Variants in DCC observed in about 807,000 individuals in gnomAD.
DCC encodes netrin receptor DCC.
A neutral mutation model predicts 172.5 loss-of-function variants in DCC; 58 were observed. That is an observed-to-expected ratio of 0.34 (90% CI 0.27 to 0.42). The LOEUF is 0.42. DCC is among the 10% of genes least tolerant of loss of function. The pLI is 1.00. For synonymous variants in DCC, 709 were observed against 644.5 expected (o/e 1.10, Z -1.52); for missense variants, 1,740 against 1,791.0 (o/e 0.97, Z 0.51).
intron 7 of DCC, among the ~76,000 whole-genome samples, chr18:53,105,053 G>T (rs978767892): frequency 2.0e-5 from 3 of 151,872 alleles, no homozygotes; most frequent in Non-Finnish European, 4.4e-5. Flanking sequence ...TAATACTACT[G>T]GAAATGGTAC....
intron 1 of DCC, among the ~76,000 whole-genome samples, chr18:52,532,390 A>C (rs1461550938): frequency 6.6e-6 from 1 of 152,184 alleles, no homozygotes; most frequent in Non-Finnish European, 1.5e-5. Context: ...TTACCAAAAT[A>C]AGTTCAAGAC....
At chr18:53,174,515 A>T (rs2144457909) in intron 8 of DCC, among the ~76,000 whole-genome samples, 1 of 149,830 alleles carries the variant, frequency 6.7e-6, no homozygotes, top group East Asian at 2.0e-4. Context: ...TCCCACAGAA[A>T]TACAAACTAC....
chr18:52,484,758 C>T (rs2030127595), intron 1 of DCC, among the ~76,000 whole-genome samples: 1 of 151,434 alleles, frequency 6.6e-6, no homozygotes, highest in Non-Finnish European at 1.5e-5. Flanking sequence ...CACAAGAATA[C>T]CTGTGTATCA....
chr18:52,647,964 G>T (rs1249980080), intron 1 of DCC, among the ~76,000 whole-genome samples: 1 of 152,156 alleles, frequency 6.6e-6, no homozygotes, highest in Non-Finnish European at 1.5e-5. Flanking sequence ...AGAGAGAATT[G>T]ATTTTGATGC....
chr18:52,809,473 G>T (rs2069761718), intron 2 of DCC: 2 of 154,698 alleles, frequency 1.3e-5, no homozygotes, highest in Admixed American at 1.3e-4. Context: ...GAGAACCGTG[G>T]AATCCAGTGA....
chr18:52,698,972 T>C (rs182533900), intron 1 of DCC, among the ~76,000 whole-genome samples: 1 of 152,214 alleles, frequency 6.6e-6, no homozygotes, highest in Admixed American at 6.5e-5. Flanking sequence ...TAACTATCTA[T>C]AGCATGGGAC....
chr18:53,337,139 T>C (rs193000486), intron 14 of DCC, among the ~76,000 whole-genome samples: 50 of 152,390 alleles, frequency 3.3e-4, no homozygotes, highest in Admixed American at 2.7e-3. Context: ...AACTATTCTA[T>C]GGTTTGCAGA....
chr18:53,412,682 T>C (rs566678106), intron 20 of DCC, among the ~76,000 whole-genome samples: 2 of 152,276 alleles, frequency 1.3e-5, no homozygotes, highest in East Asian at 3.9e-4. Flanking sequence ...TTCATAGTAA[T>C]GCTTGTGCCA....
intron 1 of DCC, among the ~76,000 whole-genome samples, chr18:52,422,327 G>T (rs1175857617): frequency 6.6e-6 from 1 of 152,134 alleles, no homozygotes; most frequent in African/African-American, 2.4e-5. Context: ...GATACAAAAA[G>T]AATTCTGAGA....
chr18:52,680,124 G>C (rs774843352), intron 1 of DCC, among the ~76,000 whole-genome samples: 3 of 152,074 alleles, frequency 2.0e-5, no homozygotes, highest in Non-Finnish European at 4.4e-5. Context: ...GTGCCCATTG[G>C]GTTCTTGGGA....
chr18:53,001,227 A>G (rs1486709851), intron 5 of DCC, among the ~76,000 whole-genome samples: 1 of 152,058 alleles, frequency 6.6e-6, no homozygotes, highest in African/African-American at 2.4e-5. Context: ...ACTAGACTCA[A>G]AAGATGGCCA....
At chr18:52,820,286 T>C (rs1692442986) in intron 2 of DCC, among the ~76,000 whole-genome samples, 2 of 152,178 alleles carry the variant, frequency 1.3e-5, no homozygotes, top group African/African-American at 2.4e-5. Context: ...AAACTGATGA[T>C]GATTTTCCTC....
chr18:52,538,462 G>A (rs530663914), intron 1 of DCC, among the ~76,000 whole-genome samples: 1 of 152,180 alleles, frequency 6.6e-6, no homozygotes, highest in South Asian at 2.1e-4. Flanking sequence ...ACTCTTTCCT[G>A]ATGTACCCTG....
At chr18:53,079,137 CT>C (rs1412522252) in intron 7 of DCC, among the ~76,000 whole-genome samples, 5 of 152,076 alleles carry the variant, frequency 3.3e-5, no homozygotes, top group Admixed American at 1.3e-4. Context: ...AATAAAAGTA[CT>C]ATGTAGCTTA....
At chr18:52,538,346 A>C (rs940805555) in intron 1 of DCC, among the ~76,000 whole-genome samples, 1 of 152,074 alleles carries the variant, frequency 6.6e-6, no homozygotes, top group Non-Finnish European at 1.5e-5. Flanking sequence ...CTCTCCTCCA[A>C]CCCACTGCAA....
rs761106983 is a variant in DCC, at chr18:53,386,119, C to T, written c.2436C>T (p.Ala812=). ...AAGGAGTTCCTCTTTATGAAAGTGC[C>T]ACCACCAGGTCTATAACCGGTAAGT... is the stretch of plus-strand genomic sequence containing the variant. The part of the protein sequence containing the change: ...AGEGVPLYES[A]TTRSITDPTD... The change falls in exon 16 of 29, where the codon GCC becomes GCT. Residue 812 remains alanine (A), a synonymous_variant. Coordinates refer to ENST00000442544, the MANE Select transcript of DCC (RefSeq NM_005215.4). 5.0e-6 allele frequency: 8 copies of T among 1,609,316 alleles called. No homozygotes were observed. Among genetic ancestry groups the T allele is most frequent in the Non-Finnish European group, 6.8e-6 (8 of 1,175,778 alleles).
intron 27 of DCC, among the ~76,000 whole-genome samples, chr18:53,525,242 C>G (rs2046441702): frequency 6.6e-6 from 1 of 152,090 alleles, no homozygotes; most frequent in Admixed American, 6.6e-5. Flanking sequence ...AATTTTCCCT[C>G]ACCATGTTAT....
chr18:53,172,179 A>G (rs2055023867), intron 8 of DCC, among the ~76,000 whole-genome samples: 1 of 152,184 alleles, frequency 6.6e-6, no homozygotes. Context: ...AGCAACACGG[A>G]TGTAGTTGGA....
intron 5 of DCC, among the ~76,000 whole-genome samples, chr18:53,052,831 A>G (rs1043713845): frequency 1.4e-4 from 22 of 151,986 alleles, no homozygotes; most frequent in African/African-American, 5.1e-4. Flanking sequence ...CCTCAACAGT[A>G]ATTGCAACTT....
Sources: allele counts gnomAD v4.1 joint callset (sites outside exome capture counted in the v4.1 genomes callset), GRCh38; gene constraint gnomAD v4.1.1; transcripts MANE v1.5; gene names NCBI Gene and HGNC (gene_info 2026-07-23, HGNC 2026-07-21).